Variants in WWOX observed in about 807,000 individuals in gnomAD.
WWOX encodes the protein WW domain containing oxidoreductase, also known as WW domain-containing oxidoreductase.
Under a neutral mutation model 46.2 loss-of-function variants are expected in WWOX, and 69 were observed. The ratio of observed to expected loss-of-function variants is 1.49; its 90% confidence interval spans 1.23 to 1.82. The LOEUF (loss-of-function observed/expected upper bound fraction) is 1.82, where lower values mean the gene tolerates loss of function less well. Ranked by LOEUF, WWOX falls within the 40% of genes most tolerant of loss-of-function variation. WWOX has a pLI of 0.00. For missense variants in WWOX, 919 were observed against 542.6 expected (o/e 1.69, Z -6.89); for synonymous variants, 359 against 202.6 (o/e 1.77, Z -6.56).
intron 8 of WWOX, among the ~76,000 whole-genome samples, chr16:78,433,221 T>C (rs1031288974): frequency 5.9e-5 from 9 of 152,318 alleles, no homozygotes; most frequent in African/African-American, 9.6e-5. Flanking sequence ...TTTCTTCTAA[T>C]GGGTATAATC....
chr16:78,634,198 G>A (rs1028115470), intron 8 of WWOX, among the ~76,000 whole-genome samples: 5 of 152,132 alleles, frequency 3.3e-5, no homozygotes, highest in Non-Finnish European at 7.4e-5. Flanking sequence ...AAATACAAAT[G>A]TCCAGGAGAA....
intron 8 of WWOX, among the ~76,000 whole-genome samples, chr16:78,964,222 G>C (rs920134559): frequency 2.0e-5 from 3 of 152,206 alleles, no homozygotes; most frequent in Non-Finnish European, 2.9e-5. Flanking sequence ...GAACCGTTGG[G>C]AGGTCTCAGA....
chr16:78,795,993 A>C (rs915789506), intron 8 of WWOX, among the ~76,000 whole-genome samples: 12 of 152,334 alleles, frequency 7.9e-5, no homozygotes, highest in African/African-American at 2.9e-4. Flanking sequence ...CATTTTGTGA[A>C]TGTTTAAATA....
In WWOX at chr16:78,144,462, T is replaced by TATATATATATATAC. The variant is rs1555543063; in HGVS notation, c.410-19720_410-19719insTATATATATATACA. Among the ~76,000 whole-genome samples, 6 of 23,630 alleles carry TATATATATATATAC rather than the reference T, an allele frequency of 2.5e-4. 1 individual carries two copies. The highest frequency in any genetic ancestry group is 6.3e-4 in the African/African-American group (4 of 6,362). 15.5% of individuals were successfully genotyped at this position (23,630 alleles called of 152,430 possible). A position where few individuals can be genotyped will look rare whatever the true frequency, so the allele number is the denominator to read the frequency against. On this transcript the variant is annotated intron_variant, in intron 4 of 8. Coordinates refer to ENST00000566780, the MANE Select transcript of WWOX (RefSeq NM_016373.4). ...ATATATATATACACATATATATATA[T>TATATATATATATAC]ACACACATATATATATATATATATA...
intron 8 of WWOX, among the ~76,000 whole-genome samples, chr16:78,641,021 G>T (rs1392567131): frequency 1.3e-5 from 2 of 151,932 alleles, no homozygotes; most frequent in African/African-American, 2.4e-5. Context: ...GGAACCAGCT[G>T]CAAAAATTGT....
In WWOX at chr16:78,885,742, GT is replaced by G. The variant is rs920526044; in HGVS notation, c.1057-325856del. On this transcript the variant is annotated intron_variant, in intron 8 of 8. Coordinates refer to ENST00000566780, the MANE Select transcript of WWOX (RefSeq NM_016373.4). ...GAATGGCAGAAGATGAAGGGGGAAA[GT>G]TTTTTTTTTAACTGATAGTTTGATT... Among the ~76,000 whole-genome samples, 37 of 148,822 alleles carry G rather than the reference GT, an allele frequency of 2.5e-4. No homozygotes were observed. The East Asian group carries it at 2.7e-3, about 11-fold the overall frequency.
chr16:79,058,395 G>A lies in WWOX; in HGVS notation c.1057-153213G>A, dbSNP rs556078283. Among the ~76,000 whole-genome samples the A allele has an allele frequency of 4.4e-3, 664 of 151,676 alleles. 3 individuals carry two copies. Among genetic ancestry groups the A allele is most frequent in the Non-Finnish European group, 7.2e-3 (487 of 67,928 alleles). On this transcript the variant is annotated intron_variant, in intron 8 of 8. Coordinates refer to ENST00000566780, the MANE Select transcript of WWOX (RefSeq NM_016373.4). The stretch of plus-strand genomic sequence containing the variant: ...GTAAACTCTGGATAAATATACTTTT[G>A]AATTGTGTGATTATTGTTGTTACCA...
At chr16:78,466,022 G>C (rs886517727) in intron 8 of WWOX, among the ~76,000 whole-genome samples, 3 of 137,120 alleles carry the variant, frequency 2.2e-5, no homozygotes, top group African/African-American at 3.2e-5. Flanking sequence ...AGTTTCTTTA[G>C]TTTTTTTTGG....
chr16:78,929,035 T>G (rs961510883), intron 8 of WWOX, among the ~76,000 whole-genome samples: 8 of 152,362 alleles, frequency 5.3e-5, no homozygotes, highest in African/African-American at 1.9e-4. Context: ...CATTAGATTT[T>G]TAAAGAATTT....
intron 4 of WWOX, among the ~76,000 whole-genome samples, chr16:78,160,040 T>G (rs1222026016): frequency 6.6e-6 from 1 of 152,122 alleles, no homozygotes; most frequent in Non-Finnish European, 1.5e-5. Context: ...TTTCTCTGTA[T>G]TTTATGTTTG....
rs553818884 is a variant in WWOX, at chr16:78,863,927, C to T, written c.1057-347681C>T. Among the ~76,000 whole-genome samples, 27 of 152,142 alleles carry T rather than the reference C, an allele frequency of 1.8e-4. No individual in the cohort carries two copies. The South Asian group carries it at 5.2e-3, about 29-fold the overall frequency. On this transcript the variant is annotated intron_variant, in intron 8 of 8. Coordinates refer to ENST00000566780, the MANE Select transcript of WWOX (RefSeq NM_016373.4). Reference sequence around the variant, plus strand: ...AGGTTCAGCCACAGTTGTAGCATGTCCATCTCTCTTTGTGTGGCTGAATAT... The same window carrying T: ...AGGTTCAGCCACAGTTGTAGCATGTTCATCTCTCTTTGTGTGGCTGAATAT...
At chr16:79,002,232 T>C (rs1336664318) in intron 8 of WWOX, among the ~76,000 whole-genome samples, 1 of 138,260 alleles carries the variant, frequency 7.2e-6, no homozygotes, top group Non-Finnish European at 1.6e-5. Context: ...TTTTTTTTTT[T>C]TTTTTTTTGA....
At chr16:78,204,803 A>G (rs1162391766) in intron 5 of WWOX, among the ~76,000 whole-genome samples, 1 of 152,226 alleles carries the variant, frequency 6.6e-6, no homozygotes, top group Non-Finnish European at 1.5e-5. Context: ...CTCATATTGC[A>G]TAGCAAGTCT....
At chr16:78,558,804 C>T (rs1044207670) in intron 8 of WWOX, among the ~76,000 whole-genome samples, 3 of 152,246 alleles carry the variant, frequency 2.0e-5, no homozygotes. Flanking sequence ...CCTTTTCCTT[C>T]ACCAAACCAA....
chr16:79,100,229 G>A (rs1426334944), intron 8 of WWOX, among the ~76,000 whole-genome samples: 2 of 151,984 alleles, frequency 1.3e-5, no homozygotes, highest in Non-Finnish European at 2.9e-5. Flanking sequence ...CAGGGTAGAT[G>A]TTAAAAAAAA....
At chr16:78,873,431 G>C (rs1047353267) in intron 8 of WWOX, 1 of 151,952 alleles carries the variant, frequency 6.6e-6, no homozygotes, top group Non-Finnish European at 1.5e-5. Flanking sequence ...AGCAGATGTG[G>C]TAAGAATGTA....
intron 8 of WWOX, among the ~76,000 whole-genome samples, chr16:78,817,169 A>ATTGTTTTT (rs1460643310): frequency 7.5e-5 from 2 of 26,582 alleles, no homozygotes; most frequent in Admixed American, 3.7e-4. Flanking sequence ...CATTAGTGCT[A>ATTGTTTTT]TTCTTTTTTT....
At chr16:78,825,993 TC>T in intron 8 of WWOX, 4 of 702,166 alleles carry the variant, frequency 5.7e-6, no homozygotes, top group East Asian at 2.8e-5. Flanking sequence ...CCCCAGCCAG[TC>T]CCCATAGCAT....
At chr16:78,839,300 G>A (rs1232991802) in intron 8 of WWOX, among the ~76,000 whole-genome samples, 1 of 151,968 alleles carries the variant, frequency 6.6e-6, no homozygotes, top group Non-Finnish European at 1.5e-5. Context: ...GATATAAAAT[G>A]GAGAGGTTTT....
Sources: allele counts gnomAD v4.1 joint callset (sites outside exome capture counted in the v4.1 genomes callset), GRCh38; gene constraint gnomAD v4.1.1; transcripts MANE v1.5; gene names NCBI Gene and HGNC (gene_info 2026-07-23, HGNC 2026-07-21).